SDHAF3: variants seen among roughly 807,000 people sequenced by gnomAD.
SDHAF3 encodes succinate dehydrogenase assembly factor 3, mitochondrial.
A neutral mutation model predicts 11.5 loss-of-function variants in SDHAF3; 18 were observed. That is an observed-to-expected ratio of 1.56 (90% CI 1.08 to 2.32). The LOEUF is 2.32. SDHAF3 is among the 30% of genes most tolerant of loss of function. SDHAF3 has a pLI of 0.00. For missense variants in SDHAF3, 200 were observed against 154.4 expected (o/e 1.30, Z -1.57); for synonymous variants, 72 against 59.3 (o/e 1.21, Z -0.99).
intron 1 of SDHAF3, among the ~76,000 whole-genome samples, chr7:97,161,744 G>A (rs549291452): frequency 6.6e-6 from 1 of 152,122 alleles, no homozygotes; most frequent in African/African-American, 2.4e-5. Flanking sequence ...CTTCATCCAT[G>A]CCCCTGCGAA....
chr7:97,170,595 G>A (rs923382815), intron 1 of SDHAF3, among the ~76,000 whole-genome samples: 2 of 152,134 alleles, frequency 1.3e-5, no homozygotes, highest in African/African-American at 4.8e-5. Flanking sequence ...AAGAATATTT[G>A]TGAACTAGGT....
chr7:97,150,184 A>G (rs187040760), intron 1 of SDHAF3, among the ~76,000 whole-genome samples: 1 of 152,174 alleles, frequency 6.6e-6, no homozygotes, highest in Non-Finnish European at 1.5e-5. Context: ...TGAATTCTCA[A>G]ACTTTTCAAA....
At chr7:97,165,579 A>C (rs1280434262) in intron 1 of SDHAF3, among the ~76,000 whole-genome samples, 1 of 152,172 alleles carries the variant, frequency 6.6e-6, no homozygotes, top group Non-Finnish European at 1.5e-5. Context: ...ACCTCCAAAT[A>C]ATCATGTTTA....
At chr7:97,146,370 A>G (rs1217091020) in intron 1 of SDHAF3, among the ~76,000 whole-genome samples, 2 of 152,212 alleles carry the variant, frequency 1.3e-5, no homozygotes, top group Non-Finnish European at 2.9e-5. Context: ...TGTGTTTATT[A>G]TGTTGTTAGA....
At position 97,181,051 on chromosome 7, in the gene SDHAF3, A is replaced by C. The variant is rs748309860; in HGVS notation, c.214A>C (p.Arg72=). The C allele has an allele frequency of 1.2e-5, 19 of 1,613,924 alleles. No homozygotes were observed. Among genetic ancestry groups the C allele is most frequent in the Non-Finnish European group, 1.4e-5 (16 of 1,179,950 alleles). The change falls in exon 2 of 2, where the codon AGA becomes CGA. Residue 72 remains arginine (R), a synonymous_variant. Transcript: ENST00000432641. ...TALLQQANEN[R]QNSTGKACFG... is the part of the protein sequence containing the mutation. ...GTTATTGCAACAGGCTAACGAAAAC[A>C]GACAAAATTCAACTGGAAAAGCATG... is the stretch of plus-strand genomic sequence containing the variant.
chr7:97,146,363 G>C (rs1249356655), intron 1 of SDHAF3, among the ~76,000 whole-genome samples: 1 of 152,066 alleles, frequency 6.6e-6, no homozygotes, highest in African/African-American at 2.4e-5. Context: ...TATAAATTGT[G>C]TTTATTATGT....
chr7:97,140,439 G>A (rs965167573), intron 1 of SDHAF3, among the ~76,000 whole-genome samples: 18 of 140,052 alleles, frequency 1.3e-4, no homozygotes, highest in African/African-American at 4.0e-4. Context: ...TCCGCCTCCC[G>A]GGTTCACACC....
chr7:97,171,517 A>T (rs1195482999), intron 1 of SDHAF3, among the ~76,000 whole-genome samples: 1 of 152,036 alleles, frequency 6.6e-6, no homozygotes, highest in African/African-American at 2.4e-5. Context: ...ATCTTTTTTT[A>T]TGCTATTGAG....
At chr7:97,121,546 C>G (rs1288765910) in intron 1 of SDHAF3, among the ~76,000 whole-genome samples, 1 of 152,152 alleles carries the variant, frequency 6.6e-6, no homozygotes, top group Admixed American at 6.5e-5. Flanking sequence ...TAGTTTTGAT[C>G]ACTTACTATT....
intron 1 of SDHAF3, among the ~76,000 whole-genome samples, chr7:97,179,531 C>G (rs552150444): frequency 6.6e-6 from 1 of 151,202 alleles, no homozygotes; most frequent in South Asian, 2.1e-4. Context: ...TACTTGTTCA[C>G]ATGTTTTAAA....
intron 1 of SDHAF3, 81 bp from the exon 2 acceptor site, chr7:97,180,931 C>A: frequency 8.1e-7 from 1 of 1,236,352 alleles, no homozygotes; most frequent in Non-Finnish European, 1.1e-6. Context: ...AAATAGGTGA[C>A]TCAGAATTAG....
chr7:97,172,570 T>G (rs1352287357), intron 1 of SDHAF3, among the ~76,000 whole-genome samples: 1 of 152,200 alleles, frequency 6.6e-6, no homozygotes, highest in East Asian at 1.9e-4. Flanking sequence ...ATCTCAATTT[T>G]TGTATGTCAG....
intron 1 of SDHAF3, among the ~76,000 whole-genome samples, chr7:97,164,515 T>G (rs1194263417): frequency 6.6e-6 from 1 of 151,736 alleles, no homozygotes; most frequent in Non-Finnish European, 1.5e-5. Flanking sequence ...TAGCTGAGAT[T>G]ATAGGTGTGC....
chr7:97,178,161 CTT>C (rs1789713549), intron 1 of SDHAF3, among the ~76,000 whole-genome samples: 1 of 152,148 alleles, frequency 6.6e-6, no homozygotes, highest in Non-Finnish European at 1.5e-5. Context: ...TACAATATGT[CTT>C]TTTATGTTTG....
At chr7:97,162,975 G>T (rs1183156462) in intron 1 of SDHAF3, among the ~76,000 whole-genome samples, 1 of 152,026 alleles carries the variant, frequency 6.6e-6, no homozygotes, top group Admixed American at 6.6e-5. Flanking sequence ...TATCTGTCCA[G>T]TATTGACAGT....
intron 1 of SDHAF3, among the ~76,000 whole-genome samples, chr7:97,159,939 T>A (rs990421619): frequency 6.6e-6 from 1 of 152,194 alleles, no homozygotes; most frequent in African/African-American, 2.4e-5. Context: ...GCCATCTGAT[T>A]CTATGATTTT....
chr7:97,155,071 A>C (rs1223876230), intron 1 of SDHAF3, among the ~76,000 whole-genome samples: 1 of 152,124 alleles, frequency 6.6e-6, no homozygotes, highest in African/African-American at 2.4e-5. Context: ...TAATTCATCT[A>C]TTTCAAAATT....
At chr7:97,141,023 A>C (rs565683608) in intron 1 of SDHAF3, among the ~76,000 whole-genome samples, 27 of 152,370 alleles carry the variant, frequency 1.8e-4, no homozygotes, top group African/African-American at 5.8e-4. Flanking sequence ...TGCATCCCTG[A>C]GGGGAGGCCT....
intron 1 of SDHAF3, among the ~76,000 whole-genome samples, chr7:97,155,280 T>A (rs1368137294): frequency 6.6e-6 from 1 of 152,212 alleles, no homozygotes; most frequent in Non-Finnish European, 1.5e-5. Context: ...AATCAAGAAT[T>A]GAGTTCCTCA....
Sources: allele counts gnomAD v4.1 joint callset (sites outside exome capture counted in the v4.1 genomes callset), GRCh38; gene constraint gnomAD v4.1.1; transcripts MANE v1.5; gene names NCBI Gene and HGNC (gene_info 2026-07-23, HGNC 2026-07-21).